SNRPN: variants seen among roughly 807,000 people sequenced by gnomAD.
SNRPN encodes the protein small nuclear ribonucleoprotein-associated protein N.
SNRPN carries 7 observed loss-of-function variants against 25.2 expected under a neutral mutation model. The observed-to-expected ratio is 0.28, with a 90% confidence interval of 0.16 to 0.52. The LOEUF (loss-of-function observed/expected upper bound fraction) is 0.52. Among genes scored for constraint, SNRPN ranks in the 20% least tolerant of loss-of-function variants. SNRPN has a pLI of 0.96. For missense variants in SNRPN, 196 were observed against 322.5 expected (o/e 0.61, Z 3.00); for synonymous variants, 124 against 110.6 (o/e 1.12, Z -0.76).
At chr15:24,840,156 G>C (rs959925103) in intron 2 of SNRPN, among the ~76,000 whole-genome samples, 3 of 152,108 alleles carry the variant, frequency 2.0e-5, no homozygotes, top group Non-Finnish European at 4.4e-5. Context: ...TCAGGAGTTC[G>C]AGACCAGCCT....
At chr15:24,976,277 C>T in intron 5 of SNRPN, 28 bp from the exon 6 acceptor site, 2 of 1,552,710 alleles carry the variant, frequency 1.3e-6, no homozygotes, top group Non-Finnish European at 1.8e-6. Context: ...TAAAATTTAT[C>T]TCACTAAAAT....
At chr15:24,854,990 C>T (rs1041122822), upstream of SNRPN, among the ~76,000 whole-genome samples, 1 of 123,044 alleles carries the variant, frequency 8.1e-6, no homozygotes, top group Non-Finnish European at 1.7e-5. Context: ...GGTGACAGAG[C>T]GAGACTCCGT....
chr15:24,956,354 C>CGGTG (rs66513284), intron 1 of SNRPN, among the ~76,000 whole-genome samples: 2 of 138,158 alleles, frequency 1.4e-5, no homozygotes, highest in Admixed American at 7.7e-5. Context: ...AGCGCTTCAG[C>CGGTG]GGGGGGGTGG....
intron 2 of SNRPN, chr15:24,909,938 G>T (rs1052162398): frequency 1.8e-4 from 95 of 521,592 alleles, no homozygotes; most frequent in African/African-American, 1.4e-3. Flanking sequence ...CTGGAACAAG[G>T]TATCTGTGTA....
intron 1 of SNRPN, among the ~76,000 whole-genome samples, chr15:24,862,356 G>A (rs2054061275): frequency 6.6e-6 from 1 of 150,890 alleles, no homozygotes; most frequent in African/African-American, 2.5e-5. Flanking sequence ...AGTGGATTGA[G>A]GGTGGGGAGG....
At chr15:24,847,786 T>TA (rs1304975866) in intron 2 of SNRPN, among the ~76,000 whole-genome samples, 3 of 152,198 alleles carry the variant, frequency 2.0e-5, no homozygotes, top group African/African-American at 7.2e-5. Flanking sequence ...CCCATTATGC[T>TA]AATTGATTTA....
At chr15:24,955,744 G>T (rs1222631234) in intron 1 of SNRPN, among the ~76,000 whole-genome samples, 2 of 151,508 alleles carry the variant, frequency 1.3e-5, no homozygotes, top group African/African-American at 4.9e-5. Flanking sequence ...GGAGGTAGGG[G>T]GAAGGCGGCG....
chr15:24,909,288 G>A (rs1191341861), intron 2 of SNRPN: 15 of 1,601,806 alleles, frequency 9.4e-6, no homozygotes, highest in East Asian at 4.5e-5. Context: ...CCAGGGAATT[G>A]TTTGGTACTG....
At position 24,894,201 on chromosome 15, in the gene SNRPN, A is replaced by C. The variant is rs552662730; in HGVS notation, c.-505+7612A>C. ...ACAACTTGTACGCCCCATCAAGTGG[A>C]AAACCAAGCCAAATTCTTTTTTTTT... On this transcript the variant is annotated intron_variant, in intron 2 of 11. Coordinates refer to the SNRPN transcript ENST00000400097. 4.6e-5 allele frequency among the ~76,000 whole-genome samples: 7 copies of C among 151,642 alleles called. No individual in the cohort carries two copies. The South Asian group carries it at 1.5e-3, about 32-fold the overall frequency.
At chr15:24,841,250 G>A (rs1050831427) in intron 2 of SNRPN, among the ~76,000 whole-genome samples, 1 of 152,072 alleles carries the variant, frequency 6.6e-6, no homozygotes, top group African/African-American at 2.4e-5. Flanking sequence ...GGCTTGGGTA[G>A]CTTAGGTAAC....
At chr15:24,957,404 T>G (rs17114902) in intron 1 of SNRPN, among the ~76,000 whole-genome samples, 9,611 of 152,274 alleles carry the variant, frequency 0.063, 602 homozygotes, top group African/African-American at 0.16. Context: ...TTTTTTTGGA[T>G]TTTTAAATTA....
intron 3 of SNRPN, among the ~76,000 whole-genome samples, chr15:24,948,548 A>G (rs1232273405): frequency 6.6e-6 from 1 of 152,058 alleles, no homozygotes; most frequent in East Asian, 1.9e-4. Context: ...ACTGAAATTT[A>G]TACTTTATCC....
Position 24,955,073 on chromosome 15 carries a change from C to T in SNRPN, c.-391+11C>T. 2 of 1,613,480 alleles carry T rather than the reference C, an allele frequency of 1.2e-6. No homozygotes were observed. The highest frequency in any genetic ancestry group is 1.1e-5 in the South Asian group (1 of 91,004). On this transcript the variant is annotated intron_variant, in intron 1 of 9. Transcript: ENST00000390687. ...GATGGAGCGGGCAAGGTCAGCTGTG[C>T]CGGTGGCTTCTCTCAAGAGACAGCC...
At chr15:24,871,171 G>GTGAGCCACCATGCC (rs1254123660) in intron 1 of SNRPN, among the ~76,000 whole-genome samples, 1 of 151,952 alleles carries the variant, frequency 6.6e-6, no homozygotes, top group Non-Finnish European at 1.5e-5. Flanking sequence ...GATTACAGGC[G>GTGAGCCACCATGCC]TGAGCCACCA....
At chr15:24,904,165 G>A (rs2058647551) in intron 2 of SNRPN, among the ~76,000 whole-genome samples, 1 of 152,112 alleles carries the variant, frequency 6.6e-6, no homozygotes, top group Non-Finnish European at 1.5e-5. Context: ...GCTATGTTTT[G>A]CTGCAGTGTG....
intron 1 of SNRPN, among the ~76,000 whole-genome samples, chr15:24,857,921 G>A (rs2053568173): frequency 6.6e-6 from 1 of 152,148 alleles, no homozygotes; most frequent in Admixed American, 6.6e-5. Context: ...GATTGGTCAT[G>A]TTGGAGATGA....
chr15:24,938,859 G>C (rs543255918), intron 3 of SNRPN, among the ~76,000 whole-genome samples: 1 of 152,282 alleles, frequency 6.6e-6, no homozygotes, highest in South Asian at 2.1e-4. Flanking sequence ...TGGCCAGCGA[G>C]AGTTAGCTAA....
At chr15:24,974,895 A>G (rs1010747867) in intron 4 of SNRPN, 28 of 702,588 alleles carry the variant, frequency 4.0e-5, no homozygotes, top group Admixed American at 1.0e-4. Context: ...GAGAAAATAC[A>G]GGAGTTTTTG....
intron 2 of SNRPN, among the ~76,000 whole-genome samples, chr15:24,841,046 G>C (rs1280691670): frequency 2.6e-5 from 4 of 152,022 alleles, no homozygotes. Flanking sequence ...TCACCATGTT[G>C]GCCAGGCTGG....
Sources: gnomAD v4.1 joint callset for allele counts (sites outside exome capture counted in the v4.1 genomes callset) on GRCh38, gnomAD v4.1.1 for gene constraint, MANE v1.5 for transcripts, NCBI Gene and HGNC (gene_info 2026-07-23, HGNC 2026-07-21) for gene names.